Variants in C6 observed in about 807,000 individuals in gnomAD.
C6 encodes complement component C6.
In C6, 101 loss-of-function variants were observed where a neutral mutation model predicts 112.9. The ratio of observed to expected loss-of-function variants is 0.89; its 90% CI spans 0.76 to 1.06. C6 has a LOEUF of 1.06. C6 is among the 50% of genes least tolerant of loss of function. C6 has a pLI of 0.00. For synonymous variants in C6, 431 were observed against 384.1 expected (o/e 1.12, Z -1.43); for missense variants, 1,202 against 1,104.6 (o/e 1.09, Z -1.25).
chr5:41,146,989 A>T (rs1423228457), intron 17 of C6, among the ~76,000 whole-genome samples: 1 of 152,166 alleles, frequency 6.6e-6, no homozygotes, highest in East Asian at 1.9e-4. Flanking sequence ...ATAAGGAAGA[A>T]TGGAAGGTAA....
At chr5:41,240,296 G>C (rs1740618345) in intron 1 of C6, among the ~76,000 whole-genome samples, 1 of 152,138 alleles carries the variant, frequency 6.6e-6, no homozygotes, top group South Asian at 2.1e-4. Context: ...AAGAATGCCT[G>C]TTCTTGGACC....
At chr5:41,234,031 T>C (rs1740075371) in intron 1 of C6, among the ~76,000 whole-genome samples, 1 of 152,106 alleles carries the variant, frequency 6.6e-6, no homozygotes, top group Non-Finnish European at 1.5e-5. Flanking sequence ...CTATATATGA[T>C]ACATAGATGA....
At chr5:41,261,088 TG>T (rs1343833916) in intron 1 of C6, 2 of 586,288 alleles carry the variant, frequency 3.4e-6, no homozygotes, top group South Asian at 1.5e-4. Context: ...CTACTGCCTT[TG>T]TAAACTTTCA....
At chr5:41,187,699 TACACACAC>T (rs201227440) in intron 5 of C6, among the ~76,000 whole-genome samples, 8 of 123,228 alleles carry the variant, frequency 6.5e-5, no homozygotes, top group African/African-American at 1.8e-4. Context: ...GACACACACA[TACACACAC>T]ACACACACAC....
intron 1 of C6, among the ~76,000 whole-genome samples, chr5:41,250,134 G>C (rs1395193146): frequency 6.6e-6 from 1 of 152,156 alleles, no homozygotes; most frequent in Admixed American, 6.5e-5. Context: ...TTAATATGTG[G>C]CTCCGGCTTT....
chr5:41,164,561 G>A (rs1747821079), intron 9 of C6, among the ~76,000 whole-genome samples: 1 of 152,166 alleles, frequency 6.6e-6, no homozygotes, highest in South Asian at 2.1e-4. Context: ...AGAAACAATT[G>A]CATTCCCTAG....
chr5:41,233,069 A>G (rs1263660333), intron 1 of C6, among the ~76,000 whole-genome samples: 7 of 152,002 alleles, frequency 4.6e-5, no homozygotes, highest in African/African-American at 1.7e-4. Flanking sequence ...GTATTACTGT[A>G]TTTTCTGTAT....
chr5:41,240,855 A>G (rs1740662857), intron 1 of C6, among the ~76,000 whole-genome samples: 1 of 152,098 alleles, frequency 6.6e-6, no homozygotes, highest in African/African-American at 2.4e-5. Flanking sequence ...TCTCCCCTCC[A>G]TAGTGTGCAT....
chr5:41,250,006 G>A (rs79060396), intron 1 of C6, among the ~76,000 whole-genome samples: 1,526 of 152,252 alleles, frequency 0.01, 32 homozygotes, highest in African/African-American at 0.035. Flanking sequence ...CAAATTCTTT[G>A]GGTGGGTTTA....
At chr5:41,249,302 A>AT (rs930865683) in intron 1 of C6, among the ~76,000 whole-genome samples, 7 of 152,224 alleles carry the variant, frequency 4.6e-5, no homozygotes, top group African/African-American at 1.7e-4. Context: ...TTGAAATTAC[A>AT]TTAAAAAAAA....
intron 1 of C6, among the ~76,000 whole-genome samples, chr5:41,222,064 G>A (rs1739205048): frequency 6.6e-6 from 1 of 151,544 alleles, no homozygotes; most frequent in African/African-American, 2.4e-5. Context: ...TACTTGGGAG[G>A]CTGAGGCAGA....
chr5:41,181,696 A>G (rs1749365755), intron 6 of C6, 137 bp from the exon 7 acceptor site: 2 of 756,374 alleles, frequency 2.6e-6, no homozygotes, highest in Admixed American at 4.5e-5. Context: ...TAGAGAACAA[A>G]GAATAGTGTT....
intron 10 of C6, among the ~76,000 whole-genome samples, chr5:41,161,422 G>A (rs185174063): frequency 1.5e-3 from 225 of 152,230 alleles, no homozygotes; most frequent in African/African-American, 5.0e-3. Flanking sequence ...CTCAAGGAAA[G>A]TTTGAGCATT....
At chr5:41,181,716 A>T (rs1481371340) in intron 6 of C6, among the ~76,000 whole-genome samples, 157 bp from the exon 7 acceptor site, 1 of 152,226 alleles carries the variant, frequency 6.6e-6, no homozygotes, top group Non-Finnish European at 1.5e-5. Context: ...TATTTCCTGC[A>T]CTGAGGGGTT....
intron 9 of C6, among the ~76,000 whole-genome samples, chr5:41,164,117 GGGGA>G (rs1561115404): frequency 6.6e-6 from 1 of 151,816 alleles, no homozygotes; most frequent in Non-Finnish European, 1.5e-5. Context: ...GGTAGAAAGG[GGGGA>G]GGGAGGGAGA....
intron 1 of C6, among the ~76,000 whole-genome samples, chr5:41,237,184 T>C (rs1740377569): frequency 7.2e-6 from 1 of 138,004 alleles, no homozygotes; most frequent in Admixed American, 7.4e-5. Context: ...CTGAAACTTT[T>C]CTAATCAATA....
upstream of C6, among the ~76,000 whole-genome samples, chr5:41,216,769 C>G (rs1249314022): frequency 6.6e-6 from 1 of 152,138 alleles, no homozygotes; most frequent in Non-Finnish European, 1.5e-5. Context: ...AGTGGCTTAG[C>G]TGGTCTCTGA....
upstream of C6, among the ~76,000 whole-genome samples, chr5:41,214,797 A>G (rs1044860679): frequency 2.0e-4 from 30 of 152,306 alleles, no homozygotes; most frequent in African/African-American, 6.0e-4. Flanking sequence ...AAGTCATAAT[A>G]CAGAGAGATG....
chr5:41,207,505 T>A (rs1751531066), intron 1 of C6, among the ~76,000 whole-genome samples: 1 of 152,068 alleles, frequency 6.6e-6, no homozygotes, highest in Non-Finnish European at 1.5e-5. Context: ...GAGACACACA[T>A]AGGCTCAAAA....
Sources: allele counts gnomAD v4.1 joint callset (sites outside exome capture counted in the v4.1 genomes callset), GRCh38; gene constraint gnomAD v4.1.1; transcripts MANE v1.5; gene names NCBI Gene and HGNC (gene_info 2026-07-23, HGNC 2026-07-21).